Variants in SMAD3 observed in about 807,000 individuals in gnomAD.
SMAD3 encodes the protein SMAD family member 3.
A neutral mutation model predicts 51.8 loss-of-function variants in SMAD3; 12 were observed. That is an observed-to-expected ratio of 0.23 (90% confidence interval 0.15 to 0.38). SMAD3 has a LOEUF of 0.38. Ranked by LOEUF, SMAD3 falls within the 10% of genes least tolerant of loss-of-function variation. The pLI is 1.00. For missense variants in SMAD3, 294 were observed against 565.6 expected (o/e 0.52, Z 4.87); for synonymous variants, 238 against 227.7 (o/e 1.05, Z -0.41).
At chr15:67,070,367 A>G (rs1208639365) in intron 1 of SMAD3, among the ~76,000 whole-genome samples, 4 of 152,168 alleles carry the variant, frequency 2.6e-5, no homozygotes, top group African/African-American at 9.7e-5. Context: ...CCTAGGCGCC[A>G]CTTGACGTTC....
chr15:67,090,053 G>T (rs1015375263), intron 1 of SMAD3, among the ~76,000 whole-genome samples: 1 of 152,204 alleles, frequency 6.6e-6, no homozygotes, highest in Non-Finnish European at 1.5e-5. Context: ...TGGGAGTGTG[G>T]ACAAGTGTGC....
At chr15:67,122,950 C>G (rs1319060559) in intron 1 of SMAD3, among the ~76,000 whole-genome samples, 1 of 152,136 alleles carries the variant, frequency 6.6e-6, no homozygotes, top group African/African-American at 2.4e-5. Flanking sequence ...CTTTGGGAGG[C>G]TGAGGTGGGA....
intron 1 of SMAD3, among the ~76,000 whole-genome samples, chr15:67,113,332 C>T (rs1418755252): frequency 6.6e-6 from 1 of 151,626 alleles, no homozygotes. Context: ...CCTCGTGATC[C>T]ACCCATGTGG....
rs144054437 is a variant in SMAD3, at chr15:67,152,694, C to T, written c.207-12201C>T. ...GGCCACCCAGAAGATTCTGTGAAGCCTGGCAACTTTTCCCTTTCTTCCAGT... is the reference window on the plus strand; with the variant it reads ...GGCCACCCAGAAGATTCTGTGAAGCTTGGCAACTTTTCCCTTTCTTCCAGT... On this transcript the variant is annotated intron_variant, in intron 1 of 8. Transcript: ENST00000327367. Among the ~76,000 whole-genome samples, 1,187 of 152,304 alleles carry T rather than the reference C, an allele frequency of 7.8e-3. 14 individuals are homozygous for T. The highest frequency in any genetic ancestry group is 0.026 in the African/African-American group (1,101 of 41,560).
chr15:67,181,483 C>T lies in SMAD3; in HGVS notation c.871+30C>T, dbSNP rs200703402. ...GGGGTGGCTCCATTCCCCGCCCCCCCACCCTGCCCCTGCCACTCTATCCCA... is the reference window on the plus strand; with the variant it reads ...GGGGTGGCTCCATTCCCCGCCCCCCTACCCTGCCCCTGCCACTCTATCCCA... On this transcript the variant is annotated intron_variant, in intron 6 of 8. Coordinates refer to ENST00000327367, the MANE Select transcript of SMAD3 (RefSeq NM_005902.4). 2.1e-4 allele frequency: 310 copies of T among 1,507,936 alleles called. 2 individuals carry two copies. In the East Asian group the frequency reaches 3.7e-3, roughly 18 times the overall value. 93.4% of individuals were successfully genotyped at this position (1,507,936 alleles called of 1,614,324 possible).
At chr15:67,135,004 C>T (rs1036685846) in intron 1 of SMAD3, among the ~76,000 whole-genome samples, 2 of 152,076 alleles carry the variant, frequency 1.3e-5, no homozygotes, top group Non-Finnish European at 1.5e-5. Flanking sequence ...GGGAGATGTA[C>T]CCAGGGGGTC....
At chr15:67,111,728 C>T (rs1030942851) in intron 1 of SMAD3, among the ~76,000 whole-genome samples, 1 of 152,162 alleles carries the variant, frequency 6.6e-6, no homozygotes, top group African/African-American at 2.4e-5. Flanking sequence ...TTTTGATTTG[C>T]ATTTCCCTAT....
chr15:67,174,295 G>A (rs1169917812), intron 5 of SMAD3: 4 of 152,356 alleles, frequency 2.6e-5, no homozygotes, highest in African/African-American at 4.8e-5. Flanking sequence ...TGGAAACACC[G>A]ATGAAGTTTG....
chr15:67,189,508 G>A (rs568701584), intron 8 of SMAD3, among the ~76,000 whole-genome samples: 15 of 152,364 alleles, frequency 9.8e-5, no homozygotes, highest in Admixed American at 2.6e-4. Flanking sequence ...GGCCCACCGC[G>A]TCACCGCTGC....
intron 1 of SMAD3, among the ~76,000 whole-genome samples, chr15:67,160,510 C>T (rs887640298): frequency 1.3e-5 from 2 of 152,122 alleles, no homozygotes; most frequent in Admixed American, 6.5e-5. Context: ...CAGTGGCTCA[C>T]GCCTGTAATC....
intron 6 of SMAD3, among the ~76,000 whole-genome samples, chr15:67,182,704 G>A (rs568883436): frequency 4.3e-4 from 65 of 151,980 alleles, no homozygotes; most frequent in African/African-American, 1.6e-3. Context: ...GTTGGGGAGG[G>A]TAGGGAACGG....
intron 8 of SMAD3, 61 bp from the exon 9 acceptor site, chr15:67,190,352 T>G: frequency 6.6e-7 from 1 of 1,512,996 alleles, no homozygotes; most frequent in Non-Finnish European, 9.2e-7. Flanking sequence ...CTTTCTGACT[T>G]GTGTAACCCC....
chr15:67,169,030 G>T (rs1294033189), intron 4 of SMAD3, among the ~76,000 whole-genome samples: 1 of 152,194 alleles, frequency 6.6e-6, no homozygotes, highest in Non-Finnish European at 1.5e-5. Context: ...CAAAACAGGG[G>T]ACAAGCATTT....
At chr15:67,160,235 T>A (rs1014582368) in intron 1 of SMAD3, among the ~76,000 whole-genome samples, 1 of 152,248 alleles carries the variant, frequency 6.6e-6, no homozygotes, top group African/African-American at 2.4e-5. Flanking sequence ...TCCAAAATAG[T>A]TGTACCATTT....
At position 67,154,669 on chromosome 15, in the gene SMAD3, G is replaced by A. The variant is rs550586740; in HGVS notation, c.207-10226G>A. ...AATGCCAGGGTGTAGTATATTCAGT[G>A]TACATCCTGAGTTCTGTTTGTAACT... On this transcript the variant is annotated intron_variant, in intron 1 of 8. Transcript: ENST00000327367. Among the ~76,000 whole-genome samples, 4 of 152,292 alleles carry A rather than the reference G, an allele frequency of 2.6e-5. No individual in the cohort carries two copies. The South Asian group carries it at 8.3e-4, about 32-fold the overall frequency.
At chr15:67,153,965 G>A (rs948855132) in intron 1 of SMAD3, among the ~76,000 whole-genome samples, 2 of 152,186 alleles carry the variant, frequency 1.3e-5, no homozygotes, top group Admixed American at 6.5e-5. Context: ...AGGTCTAGGC[G>A]ATCTTTGTGT....
chr15:67,151,659 G>A (rs1363016158), intron 1 of SMAD3, among the ~76,000 whole-genome samples: 1 of 152,096 alleles, frequency 6.6e-6, no homozygotes, highest in Non-Finnish European at 1.5e-5. Flanking sequence ...TCCCTCTAAA[G>A]TTAGAGTTTT....
chr15:67,080,177 G>C (rs895565082), intron 1 of SMAD3, among the ~76,000 whole-genome samples: 5 of 152,210 alleles, frequency 3.3e-5, no homozygotes, highest in Admixed American at 2.0e-4. Context: ...CTCATGTGCT[G>C]TTGCTTAAGT....
intron 1 of SMAD3, among the ~76,000 whole-genome samples, chr15:67,162,092 A>C (rs1196927421): frequency 3.9e-5 from 6 of 152,168 alleles, no homozygotes; most frequent in Non-Finnish European, 8.8e-5. Context: ...TCCTGTGACC[A>C]AGCCCAGCTA....
Sources: allele counts gnomAD v4.1 joint callset (sites outside exome capture counted in the v4.1 genomes callset), GRCh38; gene constraint gnomAD v4.1.1; transcripts MANE v1.5; gene names NCBI Gene and HGNC (gene_info 2026-07-23, HGNC 2026-07-21).